The following ARHGAP29 variants were observed in gnomAD, a reference collection of about 807,000 sequenced individuals.
ARHGAP29 encodes rho GTPase-activating protein 29.
In ARHGAP29, 43 loss-of-function variants were observed where a neutral mutation model predicts 122.6. That is an observed-to-expected ratio of 0.35 (90% CI 0.27 to 0.45). The LOEUF is 0.45. ARHGAP29 is among the 20% of genes least tolerant of loss of function. ARHGAP29 has a pLI of 1.00. For synonymous variants in ARHGAP29, 506 were observed against 497.1 expected (o/e 1.02, Z -0.24); for missense variants, 1,303 against 1,477.2 (o/e 0.88, Z 1.93).
At chr1:94,249,359 A>G (rs1455172631) in intron 1 of ARHGAP29, 3 of 152,250 alleles carry the variant, frequency 2.0e-5, no homozygotes, top group African/African-American at 7.2e-5. Context: ...TACAGTATAT[A>G]TTAACACATA....
intron 3 of ARHGAP29, among the ~76,000 whole-genome samples, chr1:94,213,938 G>C (rs1049607769): frequency 6.6e-6 from 1 of 152,110 alleles, no homozygotes; most frequent in African/African-American, 2.4e-5. Flanking sequence ...TTTCTTCTAA[G>C]TCTTCAAGCT....
rs1360086131 is a variant in ARHGAP29 at position 94,196,387 on chromosome 1, G to A, written c.1281+5333C>T. ...CGCCATTCTCCTGCCTCAGCCTCCC[G>A]AGTAGCTGGGACTACAGGCGCCCGC... On this transcript the variant is annotated intron_variant, in intron 12 of 22. Transcript: ENST00000260526. 1.1e-4 allele frequency among the ~76,000 whole-genome samples: 16 copies of A among 142,410 alleles called. 1 individual carries two copies. Among genetic ancestry groups the A allele is most frequent in the Middle Eastern group, 3.5e-3 (1 of 284 alleles). 93.4% of individuals were successfully genotyped at this position (142,410 alleles called of 152,430 possible).
chr1:94,215,002 T>A (rs1651867943), intron 3 of ARHGAP29, among the ~76,000 whole-genome samples: 2 of 151,166 alleles, frequency 1.3e-5, no homozygotes, highest in South Asian at 2.1e-4. Flanking sequence ...TTTCATTTTT[T>A]AAAAATGCTG....
At chr1:94,179,047 T>A (rs1390129260) in intron 20 of ARHGAP29, among the ~76,000 whole-genome samples, 2 of 152,162 alleles carry the variant, frequency 1.3e-5, no homozygotes, top group Non-Finnish European at 2.9e-5. Flanking sequence ...GCATAGCTGT[T>A]AGAACAATGA....
chr1:94,178,762 T>C (rs1303540328), intron 20 of ARHGAP29, among the ~76,000 whole-genome samples: 1 of 152,236 alleles, frequency 6.6e-6, no homozygotes, highest in Non-Finnish European at 1.5e-5. Flanking sequence ...TGAAGGAAGA[T>C]GGTCAGCGCA....
In ARHGAP29 at chr1:94,172,369, T is replaced by G. The variant is rs1648787282; in HGVS notation, c.*1500A>C. ...TCATAGCAATATGATTATTTTATAT[T>G]TTGTACAATGAGGACTAAAAACAAG... On this transcript the variant is annotated 3_prime_UTR_variant, in exon 23 of 23. Transcript: ENST00000260526. 6.6e-6 allele frequency: 1 copy of G among 151,916 alleles called. No individual in the cohort carries two copies. 9.4% of individuals were successfully genotyped at this position (151,916 alleles called of 1,614,324 possible). A position where few individuals can be genotyped will look rare whatever the true frequency, so the allele number is the denominator to read the frequency against.
At chr1:94,301,042 C>G in the ARHGAP29 span, among the ~76,000 whole-genome samples, 1 of 152,196 alleles carries the variant, frequency 6.6e-6, no homozygotes, top group Non-Finnish European at 1.5e-5. Flanking sequence ...AACTAGTAGT[C>G]TGGACTCCTG....
the ARHGAP29 span, among the ~76,000 whole-genome samples, chr1:94,294,730 A>T: frequency 1.3e-5 from 2 of 152,244 alleles, no homozygotes; most frequent in African/African-American, 4.8e-5. Flanking sequence ...CTAAATGGCA[A>T]GATCATTAAA....
chr1:94,299,667 C>A, the ARHGAP29 span, among the ~76,000 whole-genome samples: 1 of 151,998 alleles, frequency 6.6e-6, no homozygotes, highest in African/African-American at 2.4e-5. Context: ...TTCCCATGTC[C>A]ACAGCACGTT....
At chr1:94,197,587 G>A (rs763169858) in intron 12 of ARHGAP29, among the ~76,000 whole-genome samples, 11 of 151,932 alleles carry the variant, frequency 7.2e-5, no homozygotes, top group Non-Finnish European at 1.3e-4. Context: ...ATCTTTCACT[G>A]AGAGAAAAAG....
At position 94,170,320 on chromosome 1, in the gene ARHGAP29, C is replaced by T. The variant is rs759083613; in HGVS notation, c.*3549G>A. ...TGTAGTATTGGACAAAAATGTCTAT[C>T]CTAAACCTTATGGGTCTTATCTAAT... On this transcript the variant is annotated 3_prime_UTR_variant, in exon 23 of 23. Transcript: ENST00000260526. Among the ~76,000 whole-genome samples, 4 of 152,148 alleles carry T rather than the reference C, an allele frequency of 2.6e-5. No individual in the cohort carries two copies. The highest frequency in any genetic ancestry group is 4.4e-5 in the Non-Finnish European group (3 of 68,034).
At chr1:94,293,942 C>T in the ARHGAP29 span, among the ~76,000 whole-genome samples, 1 of 152,178 alleles carries the variant, frequency 6.6e-6, no homozygotes, top group Non-Finnish European at 1.5e-5. Context: ...GGCTGAATGT[C>T]CCAATCCTCT....
chr1:94,179,595 A>G, intron 20 of ARHGAP29, 130 bp downstream of exon 20: 1 of 191,418 alleles, frequency 5.2e-6, no homozygotes, highest in Non-Finnish European at 9.9e-6. Context: ...TCTGTCTCAA[A>G]AAAAAAAAAA....
intron 22 of ARHGAP29, chr1:94,176,644 G>T (rs1649109824): frequency 6.6e-6 from 1 of 151,534 alleles, no homozygotes; most frequent in South Asian, 2.1e-4. Context: ...AGTTTCTCTT[G>T]TCACCCTGGC....
intron 3 of ARHGAP29, among the ~76,000 whole-genome samples, chr1:94,218,130 A>G (rs1259271886): frequency 6.6e-6 from 1 of 152,212 alleles, no homozygotes; most frequent in African/African-American, 2.4e-5. Flanking sequence ...ATATTTTTCA[A>G]TTGGGGTATC....
At chr1:94,247,651 C>T (rs1166675058) in intron 1 of ARHGAP29, among the ~76,000 whole-genome samples, 1 of 151,652 alleles carries the variant, frequency 6.6e-6, no homozygotes, top group African/African-American at 2.4e-5. Flanking sequence ...GCTCGCCGCC[C>T]CCATCCCCCA....
chr1:94,185,322 C>T lies in ARHGAP29; in HGVS notation c.1920+20G>A. Reference sequence around the variant, plus strand: ...AACAAAAAGCATAAAAGGGTCAACACAATTCCACAAAGATCTTACCTCTTC... The same window carrying T: ...AACAAAAAGCATAAAAGGGTCAACATAATTCCACAAAGATCTTACCTCTTC... On this transcript the variant is annotated intron_variant, in intron 17 of 22. Transcript: ENST00000260526. The T allele has an allele frequency of 6.4e-7, 1 of 1,558,222 alleles. No homozygotes were observed. The highest frequency in any genetic ancestry group is 8.6e-7 in the Non-Finnish European group (1 of 1,156,946).
At chr1:94,216,720 T>A (rs1469280615) in intron 3 of ARHGAP29, among the ~76,000 whole-genome samples, 1 of 152,168 alleles carries the variant, frequency 6.6e-6, no homozygotes, top group Admixed American at 6.5e-5. Flanking sequence ...AAAACCTAAA[T>A]TAAGGGTTAT....
intron 12 of ARHGAP29, among the ~76,000 whole-genome samples, chr1:94,196,703 A>T (rs1386568007): frequency 6.6e-6 from 1 of 152,202 alleles, no homozygotes; most frequent in Non-Finnish European, 1.5e-5. Flanking sequence ...CCATAATAGA[A>T]TTAAACTAAA....
Sources: allele counts gnomAD v4.1 joint callset (sites outside exome capture counted in the v4.1 genomes callset), GRCh38; gene constraint gnomAD v4.1.1; transcripts MANE v1.5; gene names NCBI Gene and HGNC (gene_info 2026-07-23, HGNC 2026-07-21).